SUCLG2: variants seen among roughly 807,000 people sequenced by gnomAD.
SUCLG2 encodes the protein succinate--CoA ligase [GDP-forming] subunit beta, mitochondrial.
In SUCLG2, 42 loss-of-function variants were observed where a neutral mutation model predicts 47.9. The observed-to-expected ratio is 0.88, with a 90% CI of 0.69 to 1.14. The LOEUF is 1.14. Ranked by LOEUF, SUCLG2 falls within the 50% of genes most tolerant of loss-of-function variation. The probability of loss-of-function intolerance (pLI) is 0.00; values close to 1 mark genes in which losing one functional copy is unlikely to be tolerated. For synonymous variants in SUCLG2, 195 were observed against 197.3 expected (o/e 0.99, Z 0.10); for missense variants, 571 against 525.9 (o/e 1.09, Z -0.84).
At chr3:67,370,969 CT>C (rs1428213741), downstream of SUCLG2, among the ~76,000 whole-genome samples, 3 of 151,992 alleles carry the variant, frequency 2.0e-5, no homozygotes, top group Admixed American at 2.0e-4. Context: ...CTCAGGGCAA[CT>C]AGTTATAAGG....
chr3:67,363,348 T>A (rs939978623), intron 10 of SUCLG2, among the ~76,000 whole-genome samples: 3 of 152,190 alleles, frequency 2.0e-5, no homozygotes, highest in African/African-American at 7.2e-5. Context: ...ATTGTACCAC[T>A]ATACACTAAT....
rs1704653762 is a variant in SUCLG2 at position 67,473,426 on chromosome 3, A to T, written c.1062+22372T>A. ...CAGACACTTAATTCTGAAATTTGTGATTTTTTTTTTAAAAGCACCAGTGAT... is the reference window on the plus strand; with the variant it reads ...CAGACACTTAATTCTGAAATTTGTGTTTTTTTTTTTAAAAGCACCAGTGAT... On this transcript the variant is annotated intron_variant, in intron 9 of 10. Transcript: ENST00000307227. 2.0e-5 allele frequency among the ~76,000 whole-genome samples: 3 copies of T among 150,852 alleles called. No individual in the cohort carries two copies. In the South Asian group the frequency reaches 6.3e-4, roughly 32 times the overall value.
intron 2 of SUCLG2, among the ~76,000 whole-genome samples, chr3:67,599,029 C>T (rs1175209517): frequency 6.6e-6 from 1 of 152,166 alleles, no homozygotes; most frequent in Non-Finnish European, 1.5e-5. Context: ...GATAATGATC[C>T]TAACTACCCA....
At chr3:67,543,535 C>A (rs1158599997) in intron 2 of SUCLG2, among the ~76,000 whole-genome samples, 1 of 152,002 alleles carries the variant, frequency 6.6e-6, no homozygotes, top group Non-Finnish European at 1.5e-5. Context: ...GGCATAGTGG[C>A]ATACCTGTAG....
intron 9 of SUCLG2, among the ~76,000 whole-genome samples, chr3:67,439,313 T>G (rs1703700551): frequency 6.6e-6 from 1 of 152,204 alleles, no homozygotes; most frequent in Non-Finnish European, 1.5e-5. Flanking sequence ...AAGTATTTCC[T>G]TTGAAAATTG....
chr3:67,609,474 G>A lies in SUCLG2; in HGVS notation c.207C>T (p.Leu69=), dbSNP rs376174616. The A allele has an allele frequency of 6.2e-6, 10 of 1,612,448 alleles. No homozygotes were observed. The highest frequency in any genetic ancestry group is 1.3e-5 in the African/African-American group (1 of 74,824). The change falls in exon 2 of 11, where the codon CTC becomes CTT. Residue 69 remains leucine (L), a synonymous_variant. Transcript: ENST00000307227. The stretch of plus-strand genomic sequence containing the variant: ...GCTTACTTAGTCTCTTAGCAGCCTC[G>A]AGAGCTTCATTTGCAGTGTCTGCTA... The part of the protein sequence containing the change: ...FFVADTANEA[L]EAAKRLNAKE...
chr3:67,426,426 G>C (rs1191187049), intron 9 of SUCLG2, among the ~76,000 whole-genome samples: 1 of 152,118 alleles, frequency 6.6e-6, no homozygotes, highest in African/African-American at 2.4e-5. Context: ...AACTCCATTT[G>C]TTCAGAATGT....
intron 9 of SUCLG2, among the ~76,000 whole-genome samples, chr3:67,487,499 T>TATACACACACACAC (rs1553649720): frequency 6.7e-6 from 1 of 149,806 alleles, no homozygotes. Context: ...AACACACATA[T>TATACACACACACAC]ACACACACAC....
chr3:67,373,083 T>G (rs1049358489), downstream of SUCLG2, among the ~76,000 whole-genome samples: 2 of 152,156 alleles, frequency 1.3e-5, no homozygotes, highest in African/African-American at 4.8e-5. Flanking sequence ...CTTCCCCACA[T>G]TGTTTCCTTC....
Position 67,644,958 on chromosome 3 carries a change from AAAG to A in SUCLG2, c.84+9542_84+9544del, listed in dbSNP as rs561551320. 2.0e-3 allele frequency among the ~76,000 whole-genome samples: 300 copies of A among 152,294 alleles called. 2 individuals carry two copies. The highest frequency in any genetic ancestry group is 2.3e-3 in the Non-Finnish European group (155 of 68,008). ...CAGGAAAAATATTCCACTGACCTGA[AAAG>A]AAGGACTCTGAAGTATGCAGGAGGA... On this transcript the variant is annotated intron_variant, in intron 1 of 10. Coordinates refer to ENST00000307227, the MANE Select transcript of SUCLG2 (RefSeq NM_003848.4).
At chr3:67,612,506 A>T (rs755099620) in intron 1 of SUCLG2, among the ~76,000 whole-genome samples, 3 of 151,972 alleles carry the variant, frequency 2.0e-5, no homozygotes, top group African/African-American at 7.3e-5. Flanking sequence ...ACTGCTGAAT[A>T]ATAATAACAA....
downstream of SUCLG2, among the ~76,000 whole-genome samples, chr3:67,373,321 A>T (rs1239858866): frequency 1.3e-5 from 2 of 152,088 alleles, no homozygotes; most frequent in African/African-American, 2.4e-5. Context: ...TAAAATGTAG[A>T]AGAATTGTAA....
intron 9 of SUCLG2, among the ~76,000 whole-genome samples, chr3:67,432,706 C>T (rs913015216): frequency 2.0e-5 from 3 of 152,174 alleles, no homozygotes; most frequent in Non-Finnish European, 4.4e-5. Context: ...CCAGTTGTTA[C>T]CATATGCCAT....
At chr3:67,612,453 T>C (rs1384209221) in intron 1 of SUCLG2, among the ~76,000 whole-genome samples, 1 of 152,104 alleles carries the variant, frequency 6.6e-6, no homozygotes, top group Non-Finnish European at 1.5e-5. Flanking sequence ...AGAAATCTGC[T>C]ATGCAAATGG....
intron 9 of SUCLG2, among the ~76,000 whole-genome samples, chr3:67,424,705 C>A (rs1703254800): frequency 6.6e-6 from 1 of 152,124 alleles, no homozygotes; most frequent in Non-Finnish European, 1.5e-5. Flanking sequence ...CTGGCCGTTA[C>A]TAAAACCACC....
chr3:67,386,111 C>T lies in SUCLG2; in HGVS notation c.1184-10252G>A, dbSNP rs139528122. Among the ~76,000 whole-genome samples the T allele has an allele frequency of 3.0e-3, 464 of 152,252 alleles. 1 individual carries two copies. The highest frequency in any genetic ancestry group is 0.011 in the African/African-American group (442 of 41,548). On this transcript the variant is annotated intron_variant, in intron 10 of 10. Coordinates refer to ENST00000307227, the MANE Select transcript of SUCLG2 (RefSeq NM_003848.4). ...ACTTTATTTATTTATTTATTTGAGA[C>T]GGAGTCTCGCTCTGTCACCCAGACT...
intron 1 of SUCLG2, among the ~76,000 whole-genome samples, chr3:67,613,905 G>A (rs763042193): frequency 5.3e-5 from 8 of 152,226 alleles, no homozygotes; most frequent in Middle Eastern, 3.4e-3. Context: ...TGTCCCTTTC[G>A]TCAAAAGTCT....
intron 2 of SUCLG2, among the ~76,000 whole-genome samples, chr3:67,535,215 G>T (rs1208913192): frequency 1.3e-5 from 2 of 152,080 alleles, no homozygotes; most frequent in African/African-American, 4.8e-5. Context: ...AGTCAGCCAG[G>T]GTTCAATTAA....
chr3:67,487,595 A>C (rs985551885), intron 9 of SUCLG2, among the ~76,000 whole-genome samples: 1 of 152,090 alleles, frequency 6.6e-6, no homozygotes, highest in African/African-American at 2.4e-5. Context: ...AAAAAAAAGA[A>C]AAGGCAAGTC....
Sources: allele counts gnomAD v4.1 joint callset (sites outside exome capture counted in the v4.1 genomes callset), GRCh38; gene constraint gnomAD v4.1.1; transcripts MANE v1.5; gene names NCBI Gene and HGNC (gene_info 2026-07-23, HGNC 2026-07-21).